The following PIWIL2 variants were observed in gnomAD, a reference collection of about 807,000 sequenced individuals.
The protein encoded by PIWIL2 is piwi-like protein 2.
Under a neutral mutation model 116.5 loss-of-function variants are expected in PIWIL2, and 81 were observed. The ratio of observed to expected loss-of-function variants is 0.70; its 90% CI spans 0.58 to 0.84. PIWIL2 has a LOEUF of 0.84. Among genes scored for constraint, PIWIL2 ranks in the 40% least tolerant of loss-of-function variants. The pLI, the probability that PIWIL2 is intolerant of heterozygous loss-of-function variation, is 0.00. For missense variants in PIWIL2, 1,272 were observed against 1,212.3 expected, an observed-to-expected ratio of 1.05 and a Z score of -0.73; for synonymous variants, 489 against 429.5, an observed-to-expected ratio of 1.14 and a Z score of -1.71.
chr8:22,339,773 C>G (rs527859290), intron 20 of PIWIL2, among the ~76,000 whole-genome samples: 7 of 152,288 alleles, frequency 4.6e-5, no homozygotes, highest in African/African-American at 1.7e-4. Context: ...AGTCTTACAA[C>G]TCAAGAAAAA....
intron 16 of PIWIL2, 64 bp downstream of exon 16, chr8:22,311,364 T>G (rs1416869453): frequency 1.5e-6 from 2 of 1,305,168 alleles, no homozygotes; most frequent in Non-Finnish European, 2.2e-6. Flanking sequence ...TACTTAATTT[T>G]AATGTATCAT....
At chr8:22,298,210 C>G (rs1830957992) in intron 10 of PIWIL2, among the ~76,000 whole-genome samples, 1 of 151,674 alleles carries the variant, frequency 6.6e-6, no homozygotes, top group Admixed American at 6.6e-5. Flanking sequence ...GAGTGTGAGC[C>G]ATAATCGCAC....
chr8:22,355,490 C>G lies in PIWIL2; in HGVS notation c.2907C>G (p.Asn969Lys). The change falls in exon 23 of 23, where the codon AAC (asparagine) becomes AAG (lysine). Residue 969 changes from asparagine (N) to lysine (K), a missense_variant. By Grantham distance (94) the Asn-to-Lys change is moderately conservative. Coordinates refer to ENST00000356766, the MANE Select transcript of PIWIL2 (RefSeq NM_018068.5). ...HHEPAIQLCE[N>K]LFFL is the part of the protein sequence containing the mutation. ...AACCAGCCATCCAGCTGTGCGAGAA[C>G]CTGTTCTTCCTGTGACTGCACAGCT... The G allele has an allele frequency of 6.2e-7, 1 of 1,614,000 alleles. No individual in the cohort carries two copies. Among genetic ancestry groups the G allele is most frequent in the Non-Finnish European group, 8.5e-7 (1 of 1,179,990 alleles).
intron 6 of PIWIL2, 128 bp from the exon 7 acceptor site, chr8:22,287,400 A>G: frequency 1.4e-6 from 1 of 712,202 alleles, no homozygotes; most frequent in Admixed American, 1.9e-5. Context: ...TTCTAGGCAG[A>G]TAGATAATTT....
At chr8:22,347,169 C>CAAA (rs757849935) in intron 20 of PIWIL2, among the ~76,000 whole-genome samples, 109 of 75,168 alleles carry the variant, frequency 1.5e-3, no homozygotes, top group African/African-American at 5.2e-3. Context: ...GACGTTGTCT[C>CAAA]AAAAAAAAAA....
At chr8:22,289,103 A>G (rs1830696213) in intron 8 of PIWIL2, among the ~76,000 whole-genome samples, 1 of 149,846 alleles carries the variant, frequency 6.7e-6, no homozygotes, top group Admixed American at 6.6e-5. Context: ...TACAGCCGCT[A>G]TTCTCTTATT....
At chr8:22,346,311 ACT>A in intron 20 of PIWIL2, among the ~76,000 whole-genome samples, 1 of 152,104 alleles carries the variant, frequency 6.6e-6, no homozygotes, top group Non-Finnish European at 1.5e-5. Context: ...AATAAAAAGC[ACT>A]CCTCCACCTC....
intron 20 of PIWIL2, among the ~76,000 whole-genome samples, chr8:22,344,581 A>G (rs1055332010): frequency 6.6e-6 from 1 of 152,158 alleles, no homozygotes; most frequent in Non-Finnish European, 1.5e-5. Context: ...CTAAAATTTA[A>G]AAGAGGCCAG....
chr8:22,347,660 G>A lies in PIWIL2; in HGVS notation c.2404-5299G>A, dbSNP rs888887965. Among the ~76,000 whole-genome samples, 6 of 151,766 alleles carry A rather than the reference G, an allele frequency of 4.0e-5. No homozygotes were observed. The South Asian group carries it at 6.3e-4, about 16-fold the overall frequency. On this transcript the variant is annotated intron_variant, in intron 20 of 22. Coordinates refer to ENST00000356766, the MANE Select transcript of PIWIL2 (RefSeq NM_018068.5). Reference sequence around the variant, plus strand: ...TCCTACCTCAGCCTCCTGAGTATCCGGGATTACAGGCGCCTGCCAGCATGC... The same window carrying A: ...TCCTACCTCAGCCTCCTGAGTATCCAGGATTACAGGCGCCTGCCAGCATGC...
chr8:22,350,509 A>T (rs1331624665), intron 20 of PIWIL2, among the ~76,000 whole-genome samples: 3 of 152,000 alleles, frequency 2.0e-5, no homozygotes, highest in Non-Finnish European at 4.4e-5. Context: ...GTCAGGAGGG[A>T]TGGCTTGAGC....
chr8:22,352,920 AG>A, intron 20 of PIWIL2, 38 bp from the exon 21 acceptor site: 1 of 1,583,984 alleles, frequency 6.3e-7, no homozygotes, highest in East Asian at 2.2e-5. Flanking sequence ...CCGTAGCCTG[AG>A]GGCTCTGTGA....
intron 20 of PIWIL2, among the ~76,000 whole-genome samples, chr8:22,333,277 A>T (rs1051752302): frequency 1.3e-5 from 2 of 152,190 alleles, no homozygotes; most frequent in Non-Finnish European, 2.9e-5. Flanking sequence ...TCTTGAAAAC[A>T]TGCTGTGTGA....
At chr8:22,277,463 A>G (rs1040239889) in intron 1 of PIWIL2, among the ~76,000 whole-genome samples, 1 of 152,250 alleles carries the variant, frequency 6.6e-6, no homozygotes, top group African/African-American at 2.4e-5. Context: ...TTGTAGGCTC[A>G]AAGCAGAAAG....
intron 6 of PIWIL2, among the ~76,000 whole-genome samples, chr8:22,285,831 G>A (rs750833271): frequency 2.6e-5 from 4 of 152,122 alleles, no homozygotes; most frequent in Non-Finnish European, 5.9e-5. Flanking sequence ...TTTTAGTAGA[G>A]TCGGGGTTTT....
chr8:22,348,051 C>A (rs1832269537), intron 20 of PIWIL2, among the ~76,000 whole-genome samples: 1 of 152,262 alleles, frequency 6.6e-6, no homozygotes, highest in African/African-American at 2.4e-5. Context: ...AATCCCAGCA[C>A]TTTTGGAGGC....
intron 20 of PIWIL2, among the ~76,000 whole-genome samples, chr8:22,348,534 G>T (rs1832280457): frequency 6.6e-6 from 1 of 152,122 alleles, no homozygotes; most frequent in African/African-American, 2.4e-5. Flanking sequence ...AGTATCTACT[G>T]AGTACTGAAG....
chr8:22,321,080 AAGT>A (rs1831587353), intron 20 of PIWIL2, among the ~76,000 whole-genome samples: 1 of 152,226 alleles, frequency 6.6e-6, no homozygotes, highest in Non-Finnish European at 1.5e-5. Flanking sequence ...CTATGAACTT[AAGT>A]AGTATTTATT....
intron 20 of PIWIL2, among the ~76,000 whole-genome samples, chr8:22,342,014 G>A (rs1347674794): frequency 6.7e-6 from 1 of 149,560 alleles, no homozygotes; most frequent in South Asian, 2.1e-4. Flanking sequence ...TTGTTCCTGT[G>A]TACCAGCAGT....
chr8:22,341,796 A>G (rs934414886), intron 20 of PIWIL2, among the ~76,000 whole-genome samples: 5 of 152,150 alleles, frequency 3.3e-5, no homozygotes, highest in Admixed American at 6.6e-5. Context: ...CTAATGCAGT[A>G]AGCAAAGGAA....
Sources: gnomAD v4.1 joint callset for allele counts (sites outside exome capture counted in the v4.1 genomes callset) on GRCh38, gnomAD v4.1.1 for gene constraint, MANE v1.5 for transcripts, NCBI Gene and HGNC (gene_info 2026-07-23, HGNC 2026-07-21) for gene names.